The following DROSHA variants were observed in gnomAD, a reference collection of about 807,000 sequenced individuals.
The protein encoded by DROSHA is drosha ribonuclease III.
DROSHA carries 56 observed loss-of-function variants against 181.9 expected under a neutral mutation model. That is an observed-to-expected ratio of 0.31 (90% CI 0.25 to 0.38). The LOEUF is 0.38. Ranked by LOEUF, DROSHA falls within the 10% of genes least tolerant of loss-of-function variation. The probability of loss-of-function intolerance (pLI) is 1.00; values close to 1 mark genes in which losing one functional copy is unlikely to be tolerated. For missense variants in DROSHA, 1,218 were observed against 1,743.5 expected (o/e 0.70, Z 5.37); for synonymous variants, 524 against 591.2 (o/e 0.89, Z 1.65).
chr5:31,500,140 G>A (rs962475546), intron 11 of DROSHA, among the ~76,000 whole-genome samples: 21 of 152,160 alleles, frequency 1.4e-4, no homozygotes. Flanking sequence ...AACCTGCAAG[G>A]CAACACTATC....
At chr5:31,492,194 T>C (rs59344269) in intron 13 of DROSHA, among the ~76,000 whole-genome samples, 16,982 of 152,278 alleles carry the variant, frequency 0.11, 1,247 homozygotes, top group East Asian at 0.23. Context: ...AATGTAATCA[T>C]CTTCTCAAAG....
intron 11 of DROSHA, among the ~76,000 whole-genome samples, chr5:31,498,544 T>C (rs1423631456): frequency 6.6e-6 from 1 of 152,090 alleles, no homozygotes; most frequent in Non-Finnish European, 1.5e-5. Flanking sequence ...GGTGGAACAG[T>C]ATATGCATGG....
At chr5:31,498,015 T>C (rs1298042439) in intron 11 of DROSHA, among the ~76,000 whole-genome samples, 1 of 152,232 alleles carries the variant, frequency 6.6e-6, no homozygotes, top group Non-Finnish European at 1.5e-5. Context: ...ATACCTGTAT[T>C]CAGTCCAGGT....
chr5:31,523,526 A>G (rs1320679849), intron 5 of DROSHA, among the ~76,000 whole-genome samples: 1 of 152,000 alleles, frequency 6.6e-6, no homozygotes, highest in Non-Finnish European at 1.5e-5. Context: ...GCATATCAAA[A>G]CAGAGGCGGA....
intron 23 of DROSHA, among the ~76,000 whole-genome samples, chr5:31,448,143 C>T (rs916571050): frequency 2.6e-5 from 4 of 152,126 alleles, no homozygotes; most frequent in Non-Finnish European, 2.9e-5. Context: ...ATATGATATG[C>T]CCATATCATG....
At chr5:31,527,821 G>C (rs1164581868) in intron 4 of DROSHA, among the ~76,000 whole-genome samples, 1 of 152,158 alleles carries the variant, frequency 6.6e-6, no homozygotes, top group African/African-American at 2.4e-5. Context: ...ATTTAGTCAT[G>C]GCAGCCCAAG....
chr5:31,446,676 T>TAA (rs35657251), intron 23 of DROSHA, among the ~76,000 whole-genome samples: 156 of 128,002 alleles, frequency 1.2e-3, no homozygotes, highest in East Asian at 8.2e-3. Context: ...TGTCTCTATT[T>TAA]AAAAAAAAAA....
intron 21 of DROSHA, 49 bp from the exon 22 acceptor site, chr5:31,449,468 G>C (rs116478265): frequency 6.5e-7 from 1 of 1,532,778 alleles, no homozygotes; most frequent in African/African-American, 1.4e-5. Context: ...CATAAACTGG[G>C]TGCAGTGGCT....
chr5:31,512,797 G>GCACA (rs1738838730), intron 8 of DROSHA, among the ~76,000 whole-genome samples: 1 of 152,194 alleles, frequency 6.6e-6, no homozygotes, highest in African/African-American at 2.4e-5. Context: ...GTCAAGGAAT[G>GCACA]CACATGGCCT....
chr5:31,407,549 C>T (rs998900888), intron 33 of DROSHA, among the ~76,000 whole-genome samples: 1 of 152,100 alleles, frequency 6.6e-6, no homozygotes, highest in Non-Finnish European at 1.5e-5. Context: ...TGACATGGTG[C>T]AGATTTCAAA....
chr5:31,461,811 G>A (rs1263627137), intron 20 of DROSHA, among the ~76,000 whole-genome samples: 1 of 150,662 alleles, frequency 6.6e-6, no homozygotes, highest in East Asian at 1.9e-4. Flanking sequence ...TGTCATGAAT[G>A]AGTTGATGAA....
Position 31,401,355 on chromosome 5 carries a change from G to T in DROSHA, c.*77C>A. On this transcript the variant is annotated 3_prime_UTR_variant, in exon 36 of 36. Coordinates refer to ENST00000344624, the MANE Select transcript of DROSHA (RefSeq NM_001382508.1). ...AGCACACTTCATTCATTGTCTGCAG[G>T]AAAACTAGGCTAGGTCTCAATAGAC... The T allele has an allele frequency of 1.3e-6, 2 of 1,572,612 alleles. No individual in the cohort carries two copies. Among genetic ancestry groups the T allele is most frequent in the Non-Finnish European group, 1.7e-6 (2 of 1,150,378 alleles).
At position 31,446,217 on chromosome 5, in the gene DROSHA, C is replaced by T. The variant is rs112085674; in HGVS notation, c.2882+2330G>A. ...ATCCCAGCACTTTGGGAGGCCAAGGCGGGCGGATCACAAGGTCAGGACATC... is the reference window on the plus strand; with the variant it reads ...ATCCCAGCACTTTGGGAGGCCAAGGTGGGCGGATCACAAGGTCAGGACATC... On this transcript the variant is annotated intron_variant, in intron 23 of 35. Transcript: ENST00000344624. 0.019 allele frequency among the ~76,000 whole-genome samples: 2,954 copies of T among 152,058 alleles called. 149 individuals carry two copies. In the East Asian group the frequency reaches 0.21, roughly 11 times the overall value.
chr5:31,477,082 G>A (rs1408977471), intron 16 of DROSHA, among the ~76,000 whole-genome samples: 3 of 152,182 alleles, frequency 2.0e-5, no homozygotes, highest in Non-Finnish European at 4.4e-5. Flanking sequence ...CCAACTCTGG[G>A]ACTGGAACTG....
intron 30 of DROSHA, among the ~76,000 whole-genome samples, chr5:31,415,174 G>A (rs1741791600): frequency 6.6e-6 from 1 of 152,182 alleles, no homozygotes; most frequent in African/African-American, 2.4e-5. Context: ...TCTTGAATCT[G>A]AAGGGAAAAA....
intron 8 of DROSHA, among the ~76,000 whole-genome samples, chr5:31,511,538 T>G (rs1738679597): frequency 6.6e-6 from 1 of 151,870 alleles, no homozygotes; most frequent in South Asian, 2.1e-4. Flanking sequence ...AGACCCCACC[T>G]CTATGAAAAA....
At position 31,526,492 on chromosome 5, in the gene DROSHA, G is replaced by C; in HGVS notation, c.441C>G (p.Pro147=). ...GCGGGGGATGAGGCATGGAGGGAGG[G>C]GGCATCATGAAGGGGAAAGTGCCTT... is the stretch of plus-strand genomic sequence containing the variant. ...PGQGTFPFMM[P]PPSMPHPPPP... Residue 147 remains proline, a synonymous_variant, in exon 5 of 36, where the codon CCC becomes CCG. Coordinates refer to ENST00000344624, the MANE Select transcript of DROSHA (RefSeq NM_001382508.1). 6.3e-7 allele frequency: 1 copy of C among 1,591,816 alleles called. No individual in the cohort carries two copies.
intron 6 of DROSHA, among the ~76,000 whole-genome samples, chr5:31,516,374 T>C (rs539784445): frequency 6.6e-6 from 1 of 152,318 alleles, no homozygotes; most frequent in Middle Eastern, 3.4e-3. Context: ...TAAGATCACC[T>C]GGTAGCCTTC....
At chr5:31,500,691 G>A (rs1363625868) in intron 11 of DROSHA, among the ~76,000 whole-genome samples, 1 of 152,136 alleles carries the variant, frequency 6.6e-6, no homozygotes, top group Non-Finnish European at 1.5e-5. Context: ...TGCAGGCCAG[G>A]GCTGACTACA....
Sources: gnomAD v4.1 joint callset for allele counts (sites outside exome capture counted in the v4.1 genomes callset) on GRCh38, gnomAD v4.1.1 for gene constraint, MANE v1.5 for transcripts, NCBI Gene and HGNC (gene_info 2026-07-23, HGNC 2026-07-21) for gene names.